The following PCDHGB1 variants were observed in gnomAD, a reference collection of about 807,000 sequenced individuals.
PCDHGB1 encodes protocadherin gamma-B1.
A neutral mutation model predicts 56.6 loss-of-function variants in PCDHGB1; 34 were observed. The observed-to-expected ratio is 0.60, with a 90% confidence interval of 0.46 to 0.80. The LOEUF (loss-of-function observed/expected upper bound fraction) is 0.80, where lower values mean the gene tolerates loss of function less well. Among genes scored for constraint, PCDHGB1 ranks in the 30% least tolerant of loss-of-function variants. PCDHGB1 has a pLI of 0.00. For synonymous variants in PCDHGB1, 561 were observed against 505.9 expected, an observed-to-expected ratio of 1.11 and a Z score of -1.46; for missense variants, 1,278 against 1,204.6, an observed-to-expected ratio of 1.06 and a Z score of -0.90.
At chr5:141,453,451 T>C (rs1052905667) in intron 1 of PCDHGB1, among the ~76,000 whole-genome samples, 1 of 152,096 alleles carries the variant, frequency 6.6e-6, no homozygotes, top group Non-Finnish European at 1.5e-5. Flanking sequence ...TTTTTGAATA[T>C]GTAAAACATT....
rs766083208 is a variant in PCDHGB1, at chr5:141,477,506, G to A, written c.2410-17301G>A. 1.9e-6 allele frequency: 3 copies of A among 1,614,028 alleles called. No homozygotes were observed. Among genetic ancestry groups the A allele is most frequent in the South Asian group, 2.2e-5 (2 of 91,076 alleles). ...ACAATCTTCTCAATCTTCCTACGAC[G>A]TTTACATTGAAGAAAACAACCTCCC... On this transcript the variant is annotated intron_variant, in intron 1 of 3. Transcript: ENST00000523390. This position sits in a 1 kb window ranked among gnomAD's most constrained non-coding sequence, Gnocchi z 4.9.
chr5:141,393,659 G>GA (rs1276688380), intron 1 of PCDHGB1: 7 of 1,613,880 alleles, frequency 4.3e-6, no homozygotes, highest in Middle Eastern at 1.6e-4. Context: ...ACAAATTCCG[G>GA]AAAATTAATG....
chr5:141,391,186 A>G (rs772016494), intron 1 of PCDHGB1: 1 of 152,220 alleles, frequency 6.6e-6, no homozygotes, highest in Non-Finnish European at 1.5e-5. Flanking sequence ...TGGTGTGCAT[A>G]CAAAATATAT....
intron 1 of PCDHGB1, among the ~76,000 whole-genome samples, chr5:141,353,476 A>G (rs1295489300): frequency 6.6e-6 from 1 of 152,048 alleles, no homozygotes; most frequent in Non-Finnish European, 1.5e-5. Flanking sequence ...AATTATTAAG[A>G]CTCTTAACAC....
rs756146067 is a variant in PCDHGB1, at chr5:141,477,534, G to C, written c.2410-17273G>C. On this transcript the variant is annotated intron_variant, in intron 1 of 3. Transcript: ENST00000523390. This position sits in a 1 kb window ranked among gnomAD's most constrained non-coding sequence, Gnocchi z 4.9. ...TACATTGAAGAAAACAACCTCCCCG[G>C]GGCTCCAATACTAAACCTAAGTGTC... 1.9e-6 allele frequency: 3 copies of C among 1,614,008 alleles called. No homozygotes were observed. Among genetic ancestry groups the C allele is most frequent in the East Asian group, 4.5e-5 (2 of 44,870 alleles).
chr5:141,443,216 C>T (rs758242896), intron 1 of PCDHGB1, among the ~76,000 whole-genome samples: 3 of 151,908 alleles, frequency 2.0e-5, no homozygotes, highest in South Asian at 2.1e-4. Context: ...TCTCGCCAGG[C>T]GCATCTATAA....
At chr5:141,357,162 C>T (rs769060536) in intron 1 of PCDHGB1, 39 of 1,613,662 alleles carry the variant, frequency 2.4e-5, no homozygotes, top group Admixed American at 2.3e-4. Flanking sequence ...AGCCCCCTCT[C>T]TCGGCCACCG....
chr5:141,501,132 G>T (rs371444727), intron 2 of PCDHGB1, among the ~76,000 whole-genome samples: 2 of 152,262 alleles, frequency 1.3e-5, no homozygotes, highest in East Asian at 3.9e-4. Flanking sequence ...CTCCCTAAGT[G>T]CTGGGATTAC....
chr5:141,446,415 T>C (rs1275165245), intron 1 of PCDHGB1, among the ~76,000 whole-genome samples: 2 of 152,046 alleles, frequency 1.3e-5, no homozygotes, highest in African/African-American at 4.8e-5. Flanking sequence ...GTTCCAGCCA[T>C]GTTCATTTGA....
intron 1 of PCDHGB1, chr5:141,393,545 C>CCCGATTTA (rs1171677857): frequency 1.2e-6 from 2 of 1,613,858 alleles, no homozygotes; most frequent in African/African-American, 1.3e-5. Context: ...TTTTTCCTCA[C>CCCGATTTA]CCGATTTACC....
chr5:141,499,572 T>C (rs2099792782), intron 2 of PCDHGB1, among the ~76,000 whole-genome samples: 1 of 152,178 alleles, frequency 6.6e-6, no homozygotes, highest in Admixed American at 6.5e-5. Flanking sequence ...CAGCTTCAAC[T>C]AATGCCTTAT....
intron 1 of PCDHGB1, chr5:141,361,050 T>A (rs370096238): frequency 1.9e-6 from 3 of 1,613,586 alleles, no homozygotes; most frequent in Non-Finnish European, 1.7e-6. Context: ...CGACAAAGGA[T>A]GATTTGGATT....
At chr5:141,421,320 G>T (rs1561793188) in intron 1 of PCDHGB1, 2 of 1,613,786 alleles carry the variant, frequency 1.2e-6, no homozygotes, top group Non-Finnish European at 1.7e-6. Flanking sequence ...GGGCCAGGCA[G>T]ATCCGATATT....
chr5:141,386,228 G>A (rs2090502520), intron 1 of PCDHGB1, among the ~76,000 whole-genome samples: 1 of 152,100 alleles, frequency 6.6e-6, no homozygotes, highest in Non-Finnish European at 1.5e-5. Context: ...TAGGTCTACT[G>A]AAAAATTCAG....
At chr5:141,390,969 G>A (rs1232299434) in intron 1 of PCDHGB1, 5 of 152,168 alleles carry the variant, frequency 3.3e-5, no homozygotes, top group African/African-American at 4.8e-5. Flanking sequence ...TGTAACATAG[G>A]AGTTTCAGGA....
At chr5:141,375,524 G>C (rs746416710) in intron 1 of PCDHGB1, 2 of 1,613,868 alleles carry the variant, frequency 1.2e-6, no homozygotes, top group African/African-American at 2.7e-5. Flanking sequence ...GGACCCTGAC[G>C]TGGACCAGAA....
At position 141,357,544 on chromosome 5, in the gene PCDHGB1, C is replaced by T. The variant is rs775530187; in HGVS notation, c.2409+4875C>T. 5 of 1,614,176 alleles carry T rather than the reference C, an allele frequency of 3.1e-6. No homozygotes were observed. In the South Asian group the frequency reaches 3.3e-5, roughly 11 times the overall value. ...CAGCTATGCAGACACGCTCATCAGC[C>T]GGGAGAGTTGTGAGAAAAGCGAGCC... On this transcript the variant is annotated intron_variant, in intron 1 of 3. Coordinates refer to ENST00000523390, the MANE Select transcript of PCDHGB1 (RefSeq NM_018922.3).
chr5:141,476,839 G>A lies in PCDHGB1; in HGVS notation c.2410-17968G>A, dbSNP rs372676286. The A allele has an allele frequency of 5.0e-6, 8 of 1,613,490 alleles. No homozygotes were observed. Among genetic ancestry groups the A allele is most frequent in the South Asian group, 1.1e-5 (1 of 91,088 alleles). On this transcript the variant is annotated intron_variant, in intron 1 of 3. Transcript: ENST00000523390. The surrounding 1 kb of genome is among the most constrained non-coding windows in gnomAD (Gnocchi z 7.6). ...AGGTGCTGGACGCGAATGACAATGC[G>A]CCTGTCTTCAACCAGTCCTTGTACC...
chr5:141,414,124 G>C, intron 1 of PCDHGB1: 1 of 1,592,872 alleles, frequency 6.3e-7, no homozygotes, highest in Non-Finnish European at 8.6e-7. Context: ...TGAAGAAACC[G>C]GTTTCTATGA....
Sources: gnomAD v4.1 joint callset for allele counts (sites outside exome capture counted in the v4.1 genomes callset) on GRCh38, gnomAD v4.1.1 for gene constraint, Gnocchi (gnomAD v3.1) non-coding constraint, MANE v1.5 for transcripts, NCBI Gene and HGNC (gene_info 2026-07-23, HGNC 2026-07-21) for gene names.